Variants in DST observed in about 807,000 individuals in gnomAD.
DST encodes the protein dystonin.
A neutral mutation model predicts 875.2 loss-of-function variants in DST; 253 were observed. The observed-to-expected ratio is 0.29, with a 90% CI of 0.26 to 0.32. DST has a LOEUF of 0.32. Ranked by LOEUF, DST falls within the 10% of genes least tolerant of loss-of-function variation. The pLI, the probability that DST is intolerant of heterozygous loss-of-function variation, is 1.00. For missense variants in DST, 8,287 were observed against 9,111.6 expected, an observed-to-expected ratio of 0.91 and a Z score of 3.68; for synonymous variants, 3,124 against 3,197.1, an observed-to-expected ratio of 0.98 and a Z score of 0.77.
rs1035639642 is a variant in DST, at chr6:56,720,562, C to G, written c.687+14666G>C. Among the ~76,000 whole-genome samples, 26 of 152,000 alleles carry G rather than the reference C, an allele frequency of 1.7e-4. 1 individual carries two copies. Among genetic ancestry groups the G allele is most frequent in the Admixed American group, 9.2e-4 (14 of 15,260 alleles). Reference sequence around the variant, plus strand: ...TTAGGGAGTGGTGATGACTCTTAACCAGCATGCTGCCTTCAAGCATCTGTT... The same window carrying G: ...TTAGGGAGTGGTGATGACTCTTAACGAGCATGCTGCCTTCAAGCATCTGTT... On this transcript the variant is annotated intron_variant, in intron 5 of 103. Coordinates refer to ENST00000680361, the MANE Select transcript of DST (RefSeq NM_001374736.1).
chr6:56,563,564 C>T (rs78484323), intron 55 of DST, among the ~76,000 whole-genome samples: 1 of 152,142 alleles, frequency 6.6e-6, no homozygotes, highest in African/African-American at 2.4e-5. Flanking sequence ...GTTTCTTATG[C>T]TGTGCAGAAG....
intron 86 of DST, 51 bp from the exon 87 acceptor site, chr6:56,487,324 CAGGTAAG>C: frequency 6.8e-7 from 1 of 1,480,624 alleles, no homozygotes; most frequent in South Asian, 1.4e-5. Flanking sequence ...GACTAATAAA[CAGGTAAG>C]AGGCATTAAC....
intron 3 of DST, among the ~76,000 whole-genome samples, chr6:56,864,680 T>C (rs1253756086): frequency 1.3e-5 from 2 of 152,178 alleles, no homozygotes; most frequent in Non-Finnish European, 2.9e-5. Context: ...AAATAATGTA[T>C]GTAAATCCTG....
intron 98 of DST, among the ~76,000 whole-genome samples, chr6:56,467,841 G>A (rs1347524015): frequency 6.6e-6 from 1 of 152,120 alleles, no homozygotes; most frequent in African/African-American, 2.4e-5. Context: ...TAATGTTGCT[G>A]ACTGTGCTTT....
chr6:56,550,073 T>A (rs1291448105), intron 61 of DST, among the ~76,000 whole-genome samples: 1 of 152,168 alleles, frequency 6.6e-6, no homozygotes, highest in African/African-American at 2.4e-5. Flanking sequence ...AAGCCCATAA[T>A]AAATTGATTT....
intron 3 of DST, among the ~76,000 whole-genome samples, chr6:56,868,320 A>G (rs1332838763): frequency 1.3e-5 from 2 of 152,192 alleles, no homozygotes; most frequent in Non-Finnish European, 2.9e-5. Flanking sequence ...TCCTTAAAAC[A>G]ACAACTCAGG....
At chr6:56,644,732 T>C (rs981899845) in intron 15 of DST, among the ~76,000 whole-genome samples, 2 of 152,156 alleles carry the variant, frequency 1.3e-5, no homozygotes, top group African/African-American at 4.8e-5. Context: ...TCTGAGAATG[T>C]TTAGGTGTAA....
chr6:56,648,500 GAATT>G (rs2098956992), intron 13 of DST, 66 bp downstream of exon 13: 1 of 1,390,706 alleles, frequency 7.2e-7, no homozygotes, highest in African/African-American at 1.5e-5. Context: ...TAAAATTACA[GAATT>G]ATTATAGCAT....
intron 82 of DST, among the ~76,000 whole-genome samples, chr6:56,497,048 A>T (rs1299965223): frequency 2.0e-5 from 3 of 152,234 alleles, no homozygotes; most frequent in Admixed American, 2.0e-4. Flanking sequence ...TAGCATTAGG[A>T]GATACACCTA....
intron 5 of DST, among the ~76,000 whole-genome samples, chr6:56,721,062 G>A (rs1368273992): frequency 1.3e-5 from 2 of 150,536 alleles, no homozygotes. Context: ...CCGGGCAGGG[G>A]CGCCCCCCCC....
chr6:56,635,839 A>G, intron 23 of DST, 125 bp from the exon 24 acceptor site: 1 of 953,964 alleles, frequency 1.0e-6, no homozygotes, highest in Admixed American at 1.9e-5. Context: ...AAAGCACAAG[A>G]TAGCTTAATA....
intron 2 of DST, among the ~76,000 whole-genome samples, chr6:56,901,233 A>G (rs1793921233): frequency 2.0e-5 from 3 of 152,240 alleles, no homozygotes; most frequent in Admixed American, 2.0e-4. Context: ...TCTGAGTCCA[A>G]CTGTTCTAAC....
chr6:56,924,543 A>T (rs1484462991), intron 2 of DST, among the ~76,000 whole-genome samples: 1 of 152,206 alleles, frequency 6.6e-6, no homozygotes, highest in Non-Finnish European at 1.5e-5. Flanking sequence ...AAAATCTGAG[A>T]GCATGGTGTC....
At chr6:56,939,568 T>C (rs1441960612) in intron 2 of DST, among the ~76,000 whole-genome samples, 1 of 152,116 alleles carries the variant, frequency 6.6e-6, no homozygotes, top group Non-Finnish European at 1.5e-5. Flanking sequence ...ATTACTTACA[T>C]AAAGATTAGA....
At chr6:56,591,845 G>T (rs1219490225) in intron 49 of DST, among the ~76,000 whole-genome samples, 2 of 151,908 alleles carry the variant, frequency 1.3e-5, no homozygotes, top group Non-Finnish European at 2.9e-5. Flanking sequence ...AGTCCCAGCT[G>T]GTGGCGGGCG....
intron 36 of DST, chr6:56,615,264 AAC>A (rs1259245227): frequency 7.8e-7 from 1 of 1,280,214 alleles, no homozygotes; most frequent in African/African-American, 1.5e-5. Context: ...TAAAAAAAAA[AAC>A]ATTTTAGTGT....
At chr6:56,675,952 G>GA (rs2099127118) in intron 9 of DST, among the ~76,000 whole-genome samples, 3 of 152,116 alleles carry the variant, frequency 2.0e-5, no homozygotes, top group Admixed American at 1.3e-4. Context: ...ACAGGTATAT[G>GA]AAAAAATGAT....
At chr6:56,617,959 G>C in intron 36 of DST, 1 of 1,584,770 alleles carries the variant, frequency 6.3e-7, no homozygotes, top group Non-Finnish European at 8.7e-7. Context: ...TTAGGTAGCT[G>C]ATAAGGTCTC....
intron 2 of DST, among the ~76,000 whole-genome samples, chr6:56,914,054 C>T (rs1354835073): frequency 2.0e-5 from 3 of 152,082 alleles, no homozygotes; most frequent in Non-Finnish European, 4.4e-5. Flanking sequence ...TTCAGTAAGC[C>T]AGGGTTTATT....
Sources: gnomAD v4.1 joint callset for allele counts (sites outside exome capture counted in the v4.1 genomes callset) on GRCh38, gnomAD v4.1.1 for gene constraint, MANE v1.5 for transcripts, NCBI Gene and HGNC (gene_info 2026-07-23, HGNC 2026-07-21) for gene names.